TNIP1: variants seen among roughly 807,000 people sequenced by gnomAD.
TNIP1 encodes the protein TNFAIP3-interacting protein 1.
In TNIP1, 22 loss-of-function variants were observed where a neutral mutation model predicts 86.6. The ratio of observed to expected loss-of-function variants is 0.25; its 90% CI spans 0.18 to 0.36. TNIP1 has a LOEUF of 0.36. Among genes scored for constraint, TNIP1 ranks in the 10% least tolerant of loss-of-function variants. TNIP1 has a pLI of 1.00. For missense variants in TNIP1, 709 were observed against 820.6 expected, an observed-to-expected ratio of 0.86 and a Z score of 1.66; for synonymous variants, 294 against 313.0, an observed-to-expected ratio of 0.94 and a Z score of 0.64.
At chr5:151,064,725 T>G (rs1762023069) in intron 2 of TNIP1, among the ~76,000 whole-genome samples, 1 of 152,178 alleles carries the variant, frequency 6.6e-6, no homozygotes. Flanking sequence ...CTCTTGGACC[T>G]GAGTCCTGTC....
chr5:151,060,182 C>T, intron 5 of TNIP1, 136 bp downstream of exon 5: 1 of 846,628 alleles, frequency 1.2e-6, no homozygotes, highest in Non-Finnish European at 1.9e-6. Context: ...CCCTTTGCTC[C>T]TGCCCCTCGT....
At chr5:151,086,535 G>T (rs568782310) in intron 1 of TNIP1, among the ~76,000 whole-genome samples, 1 of 152,264 alleles carries the variant, frequency 6.6e-6, no homozygotes, top group Admixed American at 6.5e-5. Flanking sequence ...GACTTCTAAA[G>T]TGCCCAACAC....
chr5:151,056,617 T>C (rs1430010278), intron 6 of TNIP1, 149 bp downstream of exon 6: 28 of 670,288 alleles, frequency 4.2e-5, no homozygotes, highest in Non-Finnish European at 5.3e-5. Context: ...ATCCTGTTCA[T>C]CACCCTGAAC....
chr5:151,056,661 C>A, intron 6 of TNIP1, 105 bp downstream of exon 6: 1 of 1,173,000 alleles, frequency 8.5e-7, no homozygotes, highest in Non-Finnish European at 1.1e-6. Flanking sequence ...ACACAGCCTT[C>A]AGAAGTCCCC....
At chr5:151,059,813 G>C (rs1761188824) in intron 5 of TNIP1, among the ~76,000 whole-genome samples, 1 of 116,258 alleles carries the variant, frequency 8.6e-6, no homozygotes, top group South Asian at 2.7e-4. Flanking sequence ...GAGAGAGAGA[G>C]AGAGAGAGAG....
intron 15 of TNIP1, among the ~76,000 whole-genome samples, chr5:151,034,019 G>A (rs886980391): frequency 2.0e-5 from 3 of 152,190 alleles, no homozygotes; most frequent in African/African-American, 7.2e-5. Flanking sequence ...GGGCATGGAA[G>A]GCTGGGTACA....
chr5:151,057,782 A>C (rs1249084036), intron 5 of TNIP1, among the ~76,000 whole-genome samples: 1 of 152,198 alleles, frequency 6.6e-6, no homozygotes, highest in Non-Finnish European at 1.5e-5. Flanking sequence ...TATTCCCTAA[A>C]CAATACAGTA....
intron 8 of TNIP1, among the ~76,000 whole-genome samples, chr5:151,047,035 G>GAGTA (rs1413929921): frequency 3.3e-5 from 5 of 152,136 alleles, no homozygotes; most frequent in Non-Finnish European, 7.3e-5. Flanking sequence ...AGAAAAAATA[G>GAGTA]AGTATTTGCA....
intron 11 of TNIP1, among the ~76,000 whole-genome samples, 157 bp from the exon 12 acceptor site, chr5:151,039,382 C>T (rs1758128579): frequency 6.6e-6 from 1 of 152,126 alleles, no homozygotes; most frequent in African/African-American, 2.4e-5. Context: ...TAATGTCCAT[C>T]CGGTCCTGCC....
chr5:151,067,756 A>T (rs73799422), intron 1 of TNIP1, among the ~76,000 whole-genome samples: 3,053 of 152,298 alleles, frequency 0.02, 106 homozygotes, highest in African/African-American at 0.07. Flanking sequence ...AGTCAGACTG[A>T]AGGGAACAAG....
Position 151,032,610 on chromosome 5 carries a change from G to T in TNIP1, c.1780-227C>A, listed in dbSNP as rs954387338. 2.5e-4 allele frequency: 143 copies of T among 570,290 alleles called. No individual in the cohort carries two copies. The Admixed American group carries it at 2.8e-3, about 11-fold the overall frequency. 35.3% of individuals were successfully genotyped at this position (570,290 alleles called of 1,614,324 possible). A position where few individuals can be genotyped will look rare whatever the true frequency, so the allele number is the denominator to read the frequency against. ...TGGCTAAGCTTGGATTTGAATCCAG[G>T]TCTTTGTAAATCCAGAGCCAATCTC... is the stretch of plus-strand genomic sequence containing the variant. On this transcript the variant is annotated intron_variant, in intron 16 of 17. Transcript: ENST00000521591.
chr5:151,060,879 G>A (rs1008178853), intron 4 of TNIP1, among the ~76,000 whole-genome samples: 1 of 152,206 alleles, frequency 6.6e-6, no homozygotes, highest in African/African-American at 2.4e-5. Context: ...TGTCTCTTAG[G>A]CCCAGACGTC....
intron 11 of TNIP1, among the ~76,000 whole-genome samples, chr5:151,042,063 C>A (rs1319852336): frequency 6.6e-6 from 1 of 151,848 alleles, no homozygotes; most frequent in Non-Finnish European, 1.5e-5. Flanking sequence ...GCCTCAGCTA[C>A]CTGAGTAGCT....
rs143208951 is a variant in TNIP1 at position 151,042,667 on chromosome 5, G to C, written c.1007C>G (p.Thr336Ser). ...SMKQQYEQKI[T>S]ELRQKLADLQ... ...ATCAGCCAGCTTCTGACGCAGCTCA[G>C]TGATCTGGGTTCAGAGGCAGAGAGG... is the stretch of plus-strand genomic sequence containing the variant. Residue 336 changes from threonine (T) to serine (S), a missense_variant, in exon 11 of 18, where the codon ACT becomes AGT. Coordinates refer to ENST00000521591, the MANE Select transcript of TNIP1 (RefSeq NM_006058.5). 6.2e-7 allele frequency: 1 copy of C among 1,613,888 alleles called. No homozygotes were observed. The highest frequency in any genetic ancestry group is 2.2e-5 in the East Asian group (1 of 44,892).
chr5:151,073,422 G>A (rs780973637), intron 1 of TNIP1, among the ~76,000 whole-genome samples: 1 of 152,138 alleles, frequency 6.6e-6, no homozygotes, highest in African/African-American at 2.4e-5. Context: ...ATCAAGAAGG[G>A]ACTGGTTAAA....
chr5:151,030,531 G>A lies in TNIP1; in HGVS notation c.*182C>T. ...GAGTACAAATGAAAGCCTTCTGGGT[G>A]GAGCCTCCCCAGTCCTGTAAACAGC... On this transcript the variant is annotated 3_prime_UTR_variant, in exon 18 of 18. Coordinates refer to ENST00000521591, the MANE Select transcript of TNIP1 (RefSeq NM_006058.5). 1 of 899,940 alleles carries A rather than the reference G, an allele frequency of 1.1e-6. No homozygotes were observed. The highest frequency in any genetic ancestry group is 1.7e-6 in the Non-Finnish European group (1 of 593,672). The allele number at this position is 899,940 out of a possible 1,614,324, so 55.7% of individuals were successfully genotyped here.
chr5:151,087,051 G>C (rs1007724717), intron 1 of TNIP1: 8 of 152,770 alleles, frequency 5.2e-5, no homozygotes, highest in African/African-American at 1.9e-4. Flanking sequence ...CCTTTCCCCT[G>C]TCCTGGCCCA....
chr5:151,085,487 C>T (rs1581960103), upstream of TNIP1, among the ~76,000 whole-genome samples: 1 of 152,242 alleles, frequency 6.6e-6, no homozygotes, highest in Admixed American at 6.5e-5. Context: ...TCTCCAGGCT[C>T]TTTCCCCTTT....
chr5:151,052,113 C>G lies in TNIP1; in HGVS notation c.722+52G>C, dbSNP rs145967034. The G allele has an allele frequency of 1.7e-4, 256 of 1,545,510 alleles. 1 individual carries two copies. Among genetic ancestry groups the G allele is most frequent in the Non-Finnish European group, 2.2e-4 (243 of 1,122,206 alleles). Reference sequence around the variant, plus strand: ...AGAAATCAGTGCTGCACACCAGCCCCTCCTCCTGCAGCCCCCACTCCTCAC... The same window carrying G: ...AGAAATCAGTGCTGCACACCAGCCCGTCCTCCTGCAGCCCCCACTCCTCAC... On this transcript the variant is annotated intron_variant, in intron 7 of 17. Transcript: ENST00000521591.
Sources: gnomAD v4.1 joint callset for allele counts (sites outside exome capture counted in the v4.1 genomes callset) on GRCh38, gnomAD v4.1.1 for gene constraint, MANE v1.5 for transcripts, NCBI Gene and HGNC (gene_info 2026-07-23, HGNC 2026-07-21) for gene names.